The following DAZAP1 variants were observed in gnomAD, a reference collection of about 807,000 sequenced individuals.
The protein encoded by DAZAP1 is DAZ-associated protein 1.
DAZAP1 carries 6 observed loss-of-function variants against 60.1 expected under a neutral mutation model. The observed-to-expected ratio is 0.10, with a 90% CI of 0.05 to 0.20. DAZAP1 has a LOEUF of 0.20. Ranked by LOEUF, DAZAP1 falls within the 10% of genes least tolerant of loss-of-function variation. The pLI is 1.00. For missense variants in DAZAP1, 366 were observed against 560.4 expected (o/e 0.65, Z 3.50); for synonymous variants, 235 against 215.9 (o/e 1.09, Z -0.78).
At position 1,421,213 on chromosome 19, in the gene DAZAP1, T is replaced by C. The variant is rs370202308; in HGVS notation, c.369T>C (p.Asn123=). 3.3e-5 allele frequency: 54 copies of C among 1,613,990 alleles called. No homozygotes were observed. The highest frequency in any genetic ancestry group is 1.9e-4 in the African/African-American group (14 of 74,930). ...TATTTGTCGGTGGAATTCCTCACAA[T>C]TGTGGTGAGACAGAGCTCAGGGAAT... The part of the protein sequence containing the change: ...NKIFVGGIPH[N]CGETELREYF... The change falls in exon 5 of 12, where the codon AAT becomes AAC. Residue 123 remains asparagine (N), a synonymous_variant. Coordinates refer to ENST00000233078, the MANE Select transcript of DAZAP1 (RefSeq NM_018959.4).
intron 1 of DAZAP1, among the ~76,000 whole-genome samples, chr19:1,411,789 A>G (rs1456801551): frequency 6.6e-6 from 1 of 152,202 alleles, no homozygotes; most frequent in Non-Finnish European, 1.5e-5. Context: ...CTGGGAGTCC[A>G]CACTCCTCCA....
Position 1,433,932 on chromosome 19 carries a change from C to A in DAZAP1, c.1049-805C>A. Reference sequence around the variant, plus strand: ...CGGGGGTGGACGCTGGCGGTGCCCTCTGGGAAGGGGCCCTTGCCGGTGCCA... The same window carrying A: ...CGGGGGTGGACGCTGGCGGTGCCCTATGGGAAGGGGCCCTTGCCGGTGCCA... On this transcript the variant is annotated intron_variant, in intron 11 of 11. Transcript: ENST00000233078. The surrounding 1 kb of genome is among the most constrained non-coding windows in gnomAD (Gnocchi z 6.1). The A allele has an allele frequency of 9.7e-7, 1 of 1,029,108 alleles. No individual in the cohort carries two copies. Among genetic ancestry groups the A allele is most frequent in the Non-Finnish European group, 1.5e-6 (1 of 675,684 alleles). 63.7% of individuals were successfully genotyped at this position (1,029,108 alleles called of 1,614,324 possible).
At chr19:1,409,486 C>G (rs1371268240) in intron 1 of DAZAP1, among the ~76,000 whole-genome samples, 1 of 152,184 alleles carries the variant, frequency 6.6e-6, no homozygotes, top group African/African-American at 2.4e-5. Context: ...GGCTCGCAGG[C>G]CACCCGGACG....
intron 10 of DAZAP1, among the ~76,000 whole-genome samples, chr19:1,431,590 C>T (rs920021640): frequency 8.6e-5 from 13 of 151,814 alleles, no homozygotes; most frequent in East Asian, 1.9e-4. Flanking sequence ...CCACCACGCC[C>T]GGCTAATTTT....
At chr19:1,409,528 A>G (rs535086360) in intron 1 of DAZAP1, among the ~76,000 whole-genome samples, 4 of 152,316 alleles carry the variant, frequency 2.6e-5, no homozygotes, top group South Asian at 2.1e-4. Context: ...ACTGGAGTGC[A>G]TGGACCCTGC....
intron 10 of DAZAP1, among the ~76,000 whole-genome samples, chr19:1,431,627 C>T (rs1042323122): frequency 6.6e-6 from 1 of 152,142 alleles, no homozygotes; most frequent in Non-Finnish European, 1.5e-5. Flanking sequence ...ACAGGTTTCA[C>T]TATGTTGGTC....
In DAZAP1 at chr19:1,407,820, G is replaced by A. The variant is rs2144664303; in HGVS notation, c.29+18G>A. ...GAGATCGGGTGAGGACGAGCGGCGC[G>A]GGCCTGCGTCTCCGCCCCGAGCCCG... is the stretch of plus-strand genomic sequence containing the variant. On this transcript the variant is annotated intron_variant, in intron 1 of 11. Coordinates refer to ENST00000233078, the MANE Select transcript of DAZAP1 (RefSeq NM_018959.4). The A allele has an allele frequency of 2.8e-6, 3 of 1,069,716 alleles. No individual in the cohort carries two copies. The highest frequency in any genetic ancestry group is 3.4e-6 in the Non-Finnish European group (3 of 884,282). The allele number at this position is 1,069,716 out of a possible 1,614,324, so 66.3% of individuals were successfully genotyped here. A position where few individuals can be genotyped will look rare whatever the true frequency, so the allele number is the denominator to read the frequency against.
chr19:1,407,757 T>TCGCCGC lies in DAZAP1; in HGVS notation c.-6_-1dup, dbSNP rs939270672. On this transcript the variant is annotated 5_prime_UTR_variant, in exon 1 of 12. Transcript: ENST00000233078. ...CGAGGAGGCCCGGGAGCGCCGAGCGTCGCCGCCGCCGCCGCCATGAACAAC... is the reference window on the plus strand; with the variant it reads ...CGAGGAGGCCCGGGAGCGCCGAGCGTCGCCGCCGCCGCCGCCGCCGCCATGAACAAC... 8 of 1,080,464 alleles carry TCGCCGC rather than the reference T, an allele frequency of 7.4e-6. No individual in the cohort carries two copies. The highest frequency in any genetic ancestry group is 6.9e-5 in the African/African-American group (4 of 57,648). The allele number at this position is 1,080,464 out of a possible 1,614,324, so 66.9% of individuals were successfully genotyped here.
At chr19:1,427,270 AAG>A (rs1186754998) in intron 7 of DAZAP1, 1 of 152,344 alleles carries the variant, frequency 6.6e-6, no homozygotes, top group Non-Finnish European at 1.5e-5. Context: ...ACGGGGCAGA[AAG>A]AGCTCTGTAC....
At chr19:1,424,677 G>A (rs1378402345) in intron 6 of DAZAP1, among the ~76,000 whole-genome samples, 4 of 151,918 alleles carry the variant, frequency 2.6e-5, no homozygotes, top group Admixed American at 1.3e-4. Context: ...CACGCCTCAC[G>A]CCCGTGCTGC....
rs532879457 is a variant in DAZAP1 at position 1,433,981 on chromosome 19, C to T, written c.1049-756C>T. ...CAAGACATTGGCCACAAGCCTTCAG[C>T]GGGCCCAGGATCCCCCAGAGAGAGC... On this transcript the variant is annotated intron_variant, in intron 11 of 11. Coordinates refer to ENST00000233078, the MANE Select transcript of DAZAP1 (RefSeq NM_018959.4). This position sits in a 1 kb window ranked among gnomAD's most constrained non-coding sequence, Gnocchi z 6.1. The T allele has an allele frequency of 2.4e-4, 159 of 670,754 alleles. No individual in the cohort carries two copies. In the Middle Eastern group the frequency reaches 2.6e-3, roughly 11 times the overall value. 41.6% of individuals were successfully genotyped at this position (670,754 alleles called of 1,614,324 possible). A position where few individuals can be genotyped will look rare whatever the true frequency, so the allele number is the denominator to read the frequency against.
intron 9 of DAZAP1, 23 bp from the exon 10 acceptor site, chr19:1,430,199 C>G: frequency 1.3e-6 from 2 of 1,579,614 alleles, no homozygotes; most frequent in Non-Finnish European, 1.7e-6. Flanking sequence ...CTCTGTCCAT[C>G]ACCCCCGTAC....
intron 1 of DAZAP1, chr19:1,417,245 A>G (rs2144763856): frequency 1.9e-6 from 1 of 535,018 alleles, no homozygotes. Flanking sequence ...ATCGCCCGCC[A>G]CGCATGAGGT....
Position 1,426,068 on chromosome 19 carries a change from G to A in DAZAP1, c.546+108G>A, listed in dbSNP as rs563173405. 5 of 855,334 alleles carry A rather than the reference G, an allele frequency of 5.8e-6. No individual in the cohort carries two copies. The highest frequency in any genetic ancestry group is 3.5e-5 in the Admixed American group (2 of 57,512). The allele number at this position is 855,334 out of a possible 1,614,324, so 53.0% of individuals were successfully genotyped here. On this transcript the variant is annotated intron_variant, in intron 7 of 11. Transcript: ENST00000233078. This position sits in a 1 kb window ranked among gnomAD's most constrained non-coding sequence, Gnocchi z 5.4. ...TTCACGGAAAGGGTCGGGCGAGTTCGTCCTGTGAACCTTTGCTGCGTGAGG... is the reference window on the plus strand; with the variant it reads ...TTCACGGAAAGGGTCGGGCGAGTTCATCCTGTGAACCTTTGCTGCGTGAGG...
Position 1,425,730 on chromosome 19 carries a change from AG to A in DAZAP1, c.464-146del, listed in dbSNP as rs2083291616. 1.4e-5 allele frequency: 9 copies of A among 644,802 alleles called. 1 individual carries two copies. The highest frequency in any genetic ancestry group is 3.9e-4 in the Middle Eastern group (1 of 2,584). 39.9% of individuals were successfully genotyped at this position (644,802 alleles called of 1,614,324 possible). On this transcript the variant is annotated intron_variant, in intron 6 of 11. Coordinates refer to ENST00000233078, the MANE Select transcript of DAZAP1 (RefSeq NM_018959.4). This position sits in a 1 kb window ranked among gnomAD's most constrained non-coding sequence, Gnocchi z 5.4. Reference sequence around the variant, plus strand: ...GTCGAGTGGTGGCTCCTGGGGAGGGAGGCAGCTGCCCCAGGGGCCCGCAGCG... The same window carrying A: ...GTCGAGTGGTGGCTCCTGGGGAGGGAGCAGCTGCCCCAGGGGCCCGCAGCG...
In DAZAP1 at chr19:1,432,054, T is replaced by A. The variant is rs1357196760; in HGVS notation, c.872-460T>A. 1 of 172,086 alleles carries A rather than the reference T, an allele frequency of 5.8e-6. No individual in the cohort carries two copies. The highest frequency in any genetic ancestry group is 5.7e-5 in the Admixed American group (1 of 17,400). The allele number at this position is 172,086 out of a possible 1,614,324, so 10.7% of individuals were successfully genotyped here. A position where few individuals can be genotyped will look rare whatever the true frequency, so the allele number is the denominator to read the frequency against. On this transcript the variant is annotated intron_variant, in intron 10 of 11. Coordinates refer to ENST00000233078, the MANE Select transcript of DAZAP1 (RefSeq NM_018959.4). This position sits in a 1 kb window ranked among gnomAD's most constrained non-coding sequence, Gnocchi z 4.9. ...TTGGGTGGAACCTCGGCCTGCCTGA[T>A]ATCCAGCAACAGAGGGCAAGGGCGG... is the stretch of plus-strand genomic sequence containing the variant.
At chr19:1,410,821 C>T (rs893536714) in intron 1 of DAZAP1, among the ~76,000 whole-genome samples, 4 of 152,190 alleles carry the variant, frequency 2.6e-5, no homozygotes, top group African/African-American at 9.7e-5. Context: ...TTATCTGGTA[C>T]ACTGGGGAAT....
rs58556278 is a variant in DAZAP1 at position 1,422,845 on chromosome 19, C to CTTTTCTTTTTCT, written c.463+454_463+465dup. On this transcript the variant is annotated intron_variant, in intron 6 of 11. Transcript: ENST00000233078. This position sits in a 1 kb window ranked among gnomAD's most constrained non-coding sequence, Gnocchi z 4.5. ...TTTTCTTTCTTTCTTTTTTCCTTTT[C>CTTTTCTTTTTCT]TTTTCTTTTTCTTTTTTTTCAGTTT... 3.4e-5 allele frequency among the ~76,000 whole-genome samples: 5 copies of CTTTTCTTTTTCT among 148,820 alleles called. No individual in the cohort carries two copies. The highest frequency in any genetic ancestry group is 1.0e-4 in the African/African-American group (4 of 39,636).
chr19:1,429,718 G>A (rs1189722150), intron 8 of DAZAP1, among the ~76,000 whole-genome samples: 1 of 152,242 alleles, frequency 6.6e-6, no homozygotes, highest in Non-Finnish European at 1.5e-5. Context: ...CCGTGCCCCA[G>A]TCAGCAGACA....
Sources: allele counts gnomAD v4.1 joint callset (sites outside exome capture counted in the v4.1 genomes callset), GRCh38; gene constraint gnomAD v4.1.1; non-coding constraint Gnocchi (gnomAD v3.1); transcripts MANE v1.5; gene names NCBI Gene and HGNC (gene_info 2026-07-23, HGNC 2026-07-21).